CFAP58: variants seen among roughly 807,000 people sequenced by gnomAD.
CFAP58 encodes the protein cilia- and flagella-associated protein 58.
Under a neutral mutation model 119.5 loss-of-function variants are expected in CFAP58, and 88 were observed. That is an observed-to-expected ratio of 0.74 (90% CI 0.62 to 0.88). CFAP58 has a LOEUF of 0.88. Ranked by LOEUF, CFAP58 falls within the 40% of genes least tolerant of loss-of-function variation. CFAP58 has a pLI of 0.00. For missense variants in CFAP58, 990 were observed against 1,021.2 expected (o/e 0.97, Z 0.42); for synonymous variants, 365 against 366.3 (o/e 1.00, Z 0.04).
intron 1 of CFAP58, among the ~76,000 whole-genome samples, chr10:104,358,028 T>A (rs900246118): frequency 7.5e-6 from 1 of 133,652 alleles, no homozygotes; most frequent in Admixed American, 7.2e-5. Flanking sequence ...TACATATATA[T>A]ACATATGTAC....
intron 15 of CFAP58, among the ~76,000 whole-genome samples, chr10:104,436,527 G>A (rs1307146366): frequency 6.6e-6 from 1 of 152,126 alleles, no homozygotes; most frequent in African/African-American, 2.4e-5. Context: ...TGAAGCGGGA[G>A]TAGGCACCGC....
chr10:104,448,337 C>G (rs890164854), intron 16 of CFAP58, among the ~76,000 whole-genome samples: 1 of 152,212 alleles, frequency 6.6e-6, no homozygotes, highest in Non-Finnish European at 1.5e-5. Flanking sequence ...TAAAATCAGG[C>G]AAGATTTTTT....
intron 9 of CFAP58, among the ~76,000 whole-genome samples, chr10:104,389,655 A>G (rs1589918599): frequency 6.6e-6 from 1 of 152,166 alleles, no homozygotes; most frequent in African/African-American, 2.4e-5. Flanking sequence ...GTCACACCCT[A>G]CAAGTGAACT....
chr10:104,379,789 G>A (rs932081628), intron 8 of CFAP58, among the ~76,000 whole-genome samples: 1 of 152,156 alleles, frequency 6.6e-6, no homozygotes, highest in African/African-American at 2.4e-5. Context: ...CTAAAATGGG[G>A]CAATATGGTG....
chr10:104,386,263 A>C (rs1224231031), intron 9 of CFAP58, among the ~76,000 whole-genome samples: 2 of 151,688 alleles, frequency 1.3e-5, no homozygotes, highest in African/African-American at 4.8e-5. Flanking sequence ...CTGTAATCCC[A>C]GCTACTTGGG....
At chr10:104,354,980 C>T (rs2014524035) in intron 1 of CFAP58, among the ~76,000 whole-genome samples, 1 of 152,082 alleles carries the variant, frequency 6.6e-6, no homozygotes, top group Non-Finnish European at 1.5e-5. Flanking sequence ...CCTCCATCTC[C>T]AGTCTAGCTT....
At chr10:104,384,460 A>C (rs1411652195) in intron 9 of CFAP58, among the ~76,000 whole-genome samples, 2 of 152,184 alleles carry the variant, frequency 1.3e-5, no homozygotes, top group South Asian at 2.1e-4. Flanking sequence ...AATAAAGAAA[A>C]AAGCAGCCTA....
At chr10:104,414,816 C>T (rs1383833479) in intron 15 of CFAP58, among the ~76,000 whole-genome samples, 1 of 152,152 alleles carries the variant, frequency 6.6e-6, no homozygotes, top group Non-Finnish European at 1.5e-5. Flanking sequence ...ACTACAGGCG[C>T]CTGCCACCGC....
intron 4 of CFAP58, among the ~76,000 whole-genome samples, chr10:104,365,452 A>G (rs1475378064): frequency 2.0e-5 from 3 of 152,204 alleles, no homozygotes; most frequent in Non-Finnish European, 4.4e-5. Flanking sequence ...ACAATTTTAT[A>G]CTTAGGGTAG....
the CFAP58 span, among the ~76,000 whole-genome samples, chr10:104,341,114 C>T: frequency 6.6e-6 from 1 of 152,102 alleles, no homozygotes; most frequent in Non-Finnish European, 1.5e-5. Flanking sequence ...GTGGTGAATC[C>T]CCTTGGCCCT....
chr10:104,426,922 G>A (rs1393118011), intron 15 of CFAP58, among the ~76,000 whole-genome samples: 1 of 151,922 alleles, frequency 6.6e-6, no homozygotes, highest in Non-Finnish European at 1.5e-5. Flanking sequence ...CTCACTTATT[G>A]CTTTGTTTAC....
At chr10:104,353,766 G>A (rs1256483154), upstream of CFAP58, 4 of 1,080,836 alleles carry the variant, frequency 3.7e-6, no homozygotes, top group Non-Finnish European at 4.0e-6. Context: ...GGGCCGACGC[G>A]CCGAGCGCGG....
At chr10:104,395,348 G>C (rs2012128935) in intron 11 of CFAP58, among the ~76,000 whole-genome samples, 1 of 152,192 alleles carries the variant, frequency 6.6e-6, no homozygotes, top group Non-Finnish European at 1.5e-5. Context: ...TTCTGCTCCA[G>C]AGACTGCTCC....
intron 15 of CFAP58, among the ~76,000 whole-genome samples, chr10:104,436,848 C>T (rs1470489116): frequency 1.3e-5 from 2 of 152,172 alleles, no homozygotes; most frequent in Non-Finnish European, 2.9e-5. Context: ...CAGTCCCTGG[C>T]GTAGAGTCCC....
intron 15 of CFAP58, among the ~76,000 whole-genome samples, chr10:104,424,038 GTCA>G (rs772272959): frequency 1.1e-4 from 17 of 152,136 alleles, no homozygotes; most frequent in Non-Finnish European, 2.1e-4. Flanking sequence ...TCTCTGGTGG[GTCA>G]TCAAGTTCCC....
intron 9 of CFAP58, among the ~76,000 whole-genome samples, chr10:104,388,401 T>G (rs975992940): frequency 6.6e-6 from 1 of 152,184 alleles, no homozygotes; most frequent in Non-Finnish European, 1.5e-5. Context: ...GAGATAGATA[T>G]TATTATATCC....
chr10:104,432,717 G>T (rs1276314235), intron 15 of CFAP58, among the ~76,000 whole-genome samples: 1 of 152,140 alleles, frequency 6.6e-6, no homozygotes, highest in African/African-American at 2.4e-5. Flanking sequence ...TGGCCAGGAT[G>T]GTCTCTATCT....
In CFAP58 at chr10:104,376,145, G is replaced by A. The variant is rs149693921; in HGVS notation, c.1091-666G>A. ...AGGTATGGCAAGGAAATACATTTTG[G>A]GGTTAAATATTTCGATTTTATTCCT... On this transcript the variant is annotated intron_variant, in intron 7 of 17. Transcript: ENST00000369704. 1.6e-4 allele frequency among the ~76,000 whole-genome samples: 25 copies of A among 152,206 alleles called. 2 individuals are homozygous for A. Among genetic ancestry groups the A allele is most frequent in the African/African-American group, 6.0e-4 (25 of 41,502 alleles).
In CFAP58 at chr10:104,454,508, G is replaced by C. The variant is rs2013249086; in HGVS notation, c.2597G>C (p.Arg866Thr). Reference protein sequence around the residue: ...PGFTGGGFPLRSTKMTF With the variant: ...PGFTGGGFPLTSTKMTF ...TTTACTGGGGGCGGATTTCCTCTCA[G>C]GTCAACCAAAATGACGTTCTAACCT... Residue 866 changes from arginine to threonine, a missense_variant, in exon 18 of 18, where the codon AGG becomes ACG. Arg to Thr is a moderately conservative substitution (Grantham distance 71). Coordinates refer to ENST00000369704, the MANE Select transcript of CFAP58 (RefSeq NM_001008723.2). 1 of 1,613,508 alleles carries C rather than the reference G, an allele frequency of 6.2e-7. No individual in the cohort carries two copies. Among genetic ancestry groups the C allele is most frequent in the African/African-American group, 1.3e-5 (1 of 74,870 alleles).
Sources: allele counts gnomAD v4.1 joint callset (sites outside exome capture counted in the v4.1 genomes callset), GRCh38; gene constraint gnomAD v4.1.1; transcripts MANE v1.5; gene names NCBI Gene and HGNC (gene_info 2026-07-23, HGNC 2026-07-21).